Variants in WDR27 observed in about 807,000 individuals in gnomAD.
WDR27 encodes the protein WD repeat domain 27.
WDR27 carries 100 observed loss-of-function variants against 114.4 expected under a neutral mutation model. That is an observed-to-expected ratio of 0.87 (90% CI 0.74 to 1.03). The LOEUF (loss-of-function observed/expected upper bound fraction) is 1.03, where lower values mean the gene tolerates loss of function less well. WDR27 is among the 50% of genes least tolerant of loss of function. The pLI, the probability that WDR27 is intolerant of heterozygous loss-of-function variation, is 0.00. For missense variants in WDR27, 1,129 were observed against 1,092.9 expected (o/e 1.03, Z -0.47); for synonymous variants, 449 against 423.1 (o/e 1.06, Z -0.75).
chr6:169,516,081 C>T (rs1793594521), intron 25 of WDR27, among the ~76,000 whole-genome samples: 1 of 152,128 alleles, frequency 6.6e-6, no homozygotes, highest in Non-Finnish European at 1.5e-5. Flanking sequence ...TTCCAACTTT[C>T]ACCATTCCAT....
At chr6:169,624,480 G>A (rs1369977832) in intron 21 of WDR27, among the ~76,000 whole-genome samples, 1 of 152,164 alleles carries the variant, frequency 6.6e-6, no homozygotes. Flanking sequence ...ACTCGGAACT[G>A]CTTAGGGAGC....
At chr6:169,630,831 T>A (rs538773127) in intron 21 of WDR27, among the ~76,000 whole-genome samples, 2 of 152,128 alleles carry the variant, frequency 1.3e-5, no homozygotes, top group East Asian at 3.9e-4. Context: ...GAGGTGGAGG[T>A]TGCAGTGAGC....
chr6:169,450,223 G>C, the WDR27 span, among the ~76,000 whole-genome samples: 1 of 152,194 alleles, frequency 6.6e-6, no homozygotes, highest in Admixed American at 6.5e-5. Context: ...CCAGCGGGGA[G>C]CTTTGGTGGT....
intron 25 of WDR27, among the ~76,000 whole-genome samples, chr6:169,496,751 T>A (rs771002910): frequency 1.6e-4 from 25 of 152,110 alleles, no homozygotes; most frequent in Non-Finnish European, 7.4e-5. Flanking sequence ...GAAGGACTTG[T>A]ACAATGAAAA....
At chr6:169,558,454 C>G (rs1296080587) in intron 25 of WDR27, 3 of 152,174 alleles carry the variant, frequency 2.0e-5, no homozygotes, top group Non-Finnish European at 4.4e-5. Context: ...AGGCTCCCAT[C>G]CCGGTGGAGT....
chr6:169,648,633 C>G (rs923567433), intron 15 of WDR27, among the ~76,000 whole-genome samples: 2 of 152,224 alleles, frequency 1.3e-5, no homozygotes, highest in African/African-American at 4.8e-5. Flanking sequence ...GACCCATGTA[C>G]GTTAAAATGA....
chr6:169,499,223 G>A lies in WDR27; in HGVS notation c.2646-41589C>T, dbSNP rs1338938735. 4.6e-5 allele frequency among the ~76,000 whole-genome samples: 7 copies of A among 152,348 alleles called. 1 individual carries two copies. On this transcript the variant is annotated intron_variant, in intron 25 of 25. Coordinates refer to ENST00000448612, the MANE Select transcript of WDR27 (RefSeq NM_182552.5). ...AGCCAAGCCTCCTTTGCAAGGTGAA[G>A]TATGTTCTCCCGGAGCCCAGCGTCA...
intron 2 of WDR27, among the ~76,000 whole-genome samples, chr6:169,682,180 A>G (rs1292479117): frequency 2.0e-5 from 3 of 151,202 alleles, no homozygotes; most frequent in African/African-American, 7.3e-5. Context: ...GAGACAAATG[A>G]CTCTCTGAGC....
At chr6:169,691,582 T>C (rs991582303) in intron 1 of WDR27, among the ~76,000 whole-genome samples, 1 of 152,218 alleles carries the variant, frequency 6.6e-6, no homozygotes, top group Non-Finnish European at 1.5e-5. Flanking sequence ...AAAATTATAG[T>C]TGTTTCAAAA....
chr6:169,480,087 G>A (rs932660289), intron 25 of WDR27, among the ~76,000 whole-genome samples: 8 of 152,164 alleles, frequency 5.3e-5, no homozygotes, highest in South Asian at 2.1e-4. Context: ...GCGGGCCAGC[G>A]TGAGTTCCAG....
At chr6:169,618,709 A>G (rs1812469999) in intron 21 of WDR27, among the ~76,000 whole-genome samples, 1 of 151,978 alleles carries the variant, frequency 6.6e-6, no homozygotes, top group African/African-American at 2.4e-5. Flanking sequence ...GAAATTAGAA[A>G]TGCCCTGTTT....
chr6:169,619,992 C>A (rs2128195295), intron 21 of WDR27, among the ~76,000 whole-genome samples: 1 of 152,276 alleles, frequency 6.6e-6, no homozygotes, highest in East Asian at 1.9e-4. Flanking sequence ...TTTTTATTTT[C>A]TTCCTTGTCT....
chr6:169,666,655 T>TA, intron 6 of WDR27: 1 of 985,900 alleles, frequency 1.0e-6, no homozygotes, highest in Non-Finnish European at 1.2e-6. Context: ...CAGCTTCATT[T>TA]ACCAACAGAA....
intron 4 of WDR27, 179 bp downstream of exon 4, chr6:169,670,390 C>A: frequency 3.6e-6 from 2 of 561,216 alleles, no homozygotes; most frequent in East Asian, 3.1e-5. Context: ...TATCTGATAC[C>A]AGTGGTTTTC....
At chr6:169,555,753 G>T (rs559347465) in intron 25 of WDR27, among the ~76,000 whole-genome samples, 1 of 151,952 alleles carries the variant, frequency 6.6e-6, no homozygotes. Context: ...CCATACCACT[G>T]GAAGAATAAA....
chr6:169,631,140 C>T (rs1238542501), intron 21 of WDR27, among the ~76,000 whole-genome samples: 1 of 152,156 alleles, frequency 6.6e-6, no homozygotes, highest in Non-Finnish European at 1.5e-5. Flanking sequence ...TCAACTAATT[C>T]ACACTTCGTT....
intron 25 of WDR27, among the ~76,000 whole-genome samples, chr6:169,531,206 C>T (rs775231784): frequency 7.2e-5 from 11 of 152,128 alleles, no homozygotes; most frequent in Non-Finnish European, 1.3e-4. Context: ...TGAATTGATG[C>T]TGGTTTTCTT....
chr6:169,579,615 T>C (rs1562620945), intron 24 of WDR27, among the ~76,000 whole-genome samples: 2 of 152,152 alleles, frequency 1.3e-5, no homozygotes, highest in Non-Finnish European at 2.9e-5. Flanking sequence ...CTCCCACTGG[T>C]ACCATGACAG....
intron 21 of WDR27, among the ~76,000 whole-genome samples, chr6:169,628,663 TC>T (rs1815496077): frequency 6.6e-6 from 1 of 152,210 alleles, no homozygotes; most frequent in South Asian, 2.1e-4. Flanking sequence ...GCTGTTCCCA[TC>T]CCTACTCTCT....
Sources: gnomAD v4.1 joint callset for allele counts (sites outside exome capture counted in the v4.1 genomes callset) on GRCh38, gnomAD v4.1.1 for gene constraint, MANE v1.5 for transcripts, NCBI Gene and HGNC (gene_info 2026-07-23, HGNC 2026-07-21) for gene names.